TRAPPC8: variants seen among roughly 807,000 people sequenced by gnomAD.
The protein encoded by TRAPPC8 is trafficking protein particle complex subunit 8, also known as general sporulation gene 1 homolog.
Under a neutral mutation model 174.3 loss-of-function variants are expected in TRAPPC8, and 54 were observed. That is an observed-to-expected ratio of 0.31 (90% CI 0.25 to 0.39). TRAPPC8 has a LOEUF of 0.39. Ranked by LOEUF, TRAPPC8 falls within the 10% of genes least tolerant of loss-of-function variation. TRAPPC8 has a pLI of 1.00. For synonymous variants in TRAPPC8, 630 were observed against 579.9 expected (o/e 1.09, Z -1.24); for missense variants, 1,531 against 1,699.1 (o/e 0.90, Z 1.74).
At chr18:31,842,824 C>G (rs2033181149) in intron 26 of TRAPPC8, among the ~76,000 whole-genome samples, 1 of 152,140 alleles carries the variant, frequency 6.6e-6, no homozygotes, top group African/African-American at 2.4e-5. Flanking sequence ...TGCAAATATT[C>G]CAAAATCCAA....
intron 5 of TRAPPC8, among the ~76,000 whole-genome samples, chr18:31,912,406 G>T (rs987967111): frequency 6.6e-6 from 1 of 152,032 alleles, no homozygotes; most frequent in African/African-American, 2.4e-5. Context: ...GAGGAGAACT[G>T]CTTGAACATG....
chr18:31,874,246 A>C (rs990313969), intron 13 of TRAPPC8: 1 of 489,464 alleles, frequency 2.0e-6, no homozygotes, highest in Admixed American at 3.7e-5. Context: ...TTAAGATTCT[A>C]AGAACAGCCA....
chr18:31,900,874 A>T, intron 10 of TRAPPC8, 51 bp downstream of exon 10: 1 of 1,406,442 alleles, frequency 7.1e-7, no homozygotes, highest in South Asian at 1.3e-5. Flanking sequence ...AAAAAAAAAG[A>T]ACAAACTGAC....
At chr18:31,871,324 A>G (rs2145200366) in intron 14 of TRAPPC8, among the ~76,000 whole-genome samples, 1 of 152,024 alleles carries the variant, frequency 6.6e-6, no homozygotes, top group Non-Finnish European at 1.5e-5. Flanking sequence ...TTTCCTCCTG[A>G]CTCTGAAAGA....
At chr18:31,931,227 T>C (rs2037831087) in intron 2 of TRAPPC8, 102 bp downstream of exon 2, 1 of 1,123,912 alleles carries the variant, frequency 8.9e-7, no homozygotes, top group African/African-American at 1.6e-5. Context: ...TAGCACTTAG[T>C]AAACTCTTAA....
rs1184858320 is a variant in TRAPPC8, at chr18:31,890,640, AG to A, written c.1728+94del. 5.9e-5 allele frequency: 84 copies of A among 1,420,154 alleles called. 1 individual carries two copies. The South Asian group carries it at 7.9e-4, about 13-fold the overall frequency. 88.0% of individuals were successfully genotyped at this position (1,420,154 alleles called of 1,614,324 possible). On this transcript the variant is annotated intron_variant, in intron 12 of 28. Coordinates refer to ENST00000283351, the MANE Select transcript of TRAPPC8 (RefSeq NM_014939.5). Reference sequence around the variant, plus strand: ...AATACATTACCTCAGAACAAAATTTAGTTTTTAAGATCCTTTTTAAATAATA... The same window carrying A: ...AATACATTACCTCAGAACAAAATTTATTTTTAAGATCCTTTTTAAATAATA...
chr18:31,872,206 C>A (rs1442331094), intron 14 of TRAPPC8, among the ~76,000 whole-genome samples: 8 of 151,936 alleles, frequency 5.3e-5, no homozygotes, highest in African/African-American at 1.9e-4. Flanking sequence ...TAGTATTTGA[C>A]TTTCTGTTTC....
Position 31,942,864 on chromosome 18 carries a change from G to A in TRAPPC8, c.-100C>T. On this transcript the variant is annotated 5_prime_UTR_variant, in exon 1 of 29. Coordinates refer to ENST00000283351, the MANE Select transcript of TRAPPC8 (RefSeq NM_014939.5). Reference sequence around the variant, plus strand: ...CCGCCGCCGCCCGCCGGCCTGGCCCGGCCGGGCGGGGCCCCGAACGCACTG... The same window carrying A: ...CCGCCGCCGCCCGCCGGCCTGGCCCAGCCGGGCGGGGCCCCGAACGCACTG... The A allele has an allele frequency of 8.0e-7, 1 of 1,256,144 alleles. No homozygotes were observed. Among genetic ancestry groups the A allele is most frequent in the Non-Finnish European group, 1.0e-6 (1 of 999,986 alleles). 77.8% of individuals were successfully genotyped at this position (1,256,144 alleles called of 1,614,324 possible).
chr18:31,829,272 CTG>C lies in TRAPPC8; in HGVS notation c.*1481_*1482del, dbSNP rs1568020529. 6.6e-6 allele frequency: 1 copy of C among 152,114 alleles called. No homozygotes were observed. The highest frequency in any genetic ancestry group is 1.5e-5 in the Non-Finnish European group (1 of 68,030). 9.4% of individuals were successfully genotyped at this position (152,114 alleles called of 1,614,324 possible). A position where few individuals can be genotyped will look rare whatever the true frequency, so the allele number is the denominator to read the frequency against. ...TATAGTTTAATTTTTTTATTAGTGT[CTG>C]TTTAACAATCGGTTCAATTTAATAT... On this transcript the variant is annotated 3_prime_UTR_variant, in exon 29 of 29. Coordinates refer to ENST00000283351, the MANE Select transcript of TRAPPC8 (RefSeq NM_014939.5).
chr18:31,909,291 T>A (rs914510301), intron 6 of TRAPPC8, among the ~76,000 whole-genome samples: 3 of 151,880 alleles, frequency 2.0e-5, no homozygotes, highest in Non-Finnish European at 4.4e-5. Context: ...AGAATGACTT[T>A]TAAATAGTAC....
chr18:31,868,918 G>C (rs2145184536), intron 16 of TRAPPC8, among the ~76,000 whole-genome samples: 1 of 151,834 alleles, frequency 6.6e-6, no homozygotes, highest in East Asian at 1.9e-4. Context: ...GCCTAGGCTA[G>C]AGCAAGACTT....
Position 31,857,580 on chromosome 18 carries a change from A to G in TRAPPC8, c.3148T>C (p.Leu1050=), listed in dbSNP as rs2034089590. Residue 1050 remains leucine, a synonymous_variant, in exon 20 of 29, where the codon TTG becomes CTG. Coordinates refer to ENST00000283351, the MANE Select transcript of TRAPPC8 (RefSeq NM_014939.5). ...DEEGVHEINF[L]FYYESVKKQP... ...TTTTTGACACTTTCATAGTAAAACA[A>G]AAAGTTAATTTCATGGACACCTTCT... The G allele has an allele frequency of 6.2e-7, 1 of 1,608,118 alleles. No homozygotes were observed. Among genetic ancestry groups the G allele is most frequent in the Non-Finnish European group, 8.5e-7 (1 of 1,177,868 alleles).
At chr18:31,913,281 T>C in intron 5 of TRAPPC8, 88 bp downstream of exon 5, 1 of 1,390,470 alleles carries the variant, frequency 7.2e-7, no homozygotes, top group South Asian at 1.5e-5. Flanking sequence ...TTCCACACAA[T>C]TAATATGAAT....
chr18:31,938,841 G>A (rs930090544), intron 1 of TRAPPC8, among the ~76,000 whole-genome samples: 2 of 152,060 alleles, frequency 1.3e-5, no homozygotes, highest in Non-Finnish European at 1.5e-5. Flanking sequence ...CAGCACTTTG[G>A]GAGGCCAAGG....
chr18:31,836,854 T>C (rs1302819032), intron 27 of TRAPPC8, among the ~76,000 whole-genome samples: 20 of 149,024 alleles, frequency 1.3e-4, no homozygotes, highest in Non-Finnish European at 2.2e-4. Flanking sequence ...CTCCGCCTCC[T>C]GGGTTCATGC....
At chr18:31,912,881 A>C (rs1392593459) in intron 5 of TRAPPC8, among the ~76,000 whole-genome samples, 1 of 152,132 alleles carries the variant, frequency 6.6e-6, no homozygotes, top group African/African-American at 2.4e-5. Context: ...TAACCCTAAC[A>C]CTTTGGGAAG....
intron 18 of TRAPPC8, among the ~76,000 whole-genome samples, chr18:31,865,088 G>C (rs1444843736): frequency 6.6e-6 from 1 of 152,030 alleles, no homozygotes; most frequent in Non-Finnish European, 1.5e-5. Flanking sequence ...AAACCTGAGA[G>C]AATAATTATC....
At chr18:31,922,249 T>C (rs1405586959) in intron 2 of TRAPPC8, among the ~76,000 whole-genome samples, 4 of 152,182 alleles carry the variant, frequency 2.6e-5, no homozygotes, top group Non-Finnish European at 5.9e-5. Flanking sequence ...CATACAGACA[T>C]ACACAGACAT....
At chr18:31,832,199 G>C in intron 27 of TRAPPC8, 26 bp from the exon 28 acceptor site, 1 of 1,406,756 alleles carries the variant, frequency 7.1e-7, no homozygotes, top group Non-Finnish European at 9.4e-7. Context: ...AAACAAAAAA[G>C]TTATATATTT....
Sources: allele counts gnomAD v4.1 joint callset (sites outside exome capture counted in the v4.1 genomes callset), GRCh38; gene constraint gnomAD v4.1.1; transcripts MANE v1.5; gene names NCBI Gene and HGNC (gene_info 2026-07-23, HGNC 2026-07-21).